The following SGPL1 variants were observed in gnomAD, a reference collection of about 807,000 sequenced individuals.
SGPL1 encodes sphingosine-1-phosphate lyase 1, also known as SP-lyase 1.
Under a neutral mutation model 68.9 loss-of-function variants are expected in SGPL1, and 37 were observed. That is an observed-to-expected ratio of 0.54 (90% confidence interval 0.41 to 0.71). The LOEUF (loss-of-function observed/expected upper bound fraction) is 0.71. Ranked by LOEUF, SGPL1 falls within the 30% of genes least tolerant of loss-of-function variation. The pLI, the probability that SGPL1 is intolerant of heterozygous loss-of-function variation, is 0.00. For missense variants in SGPL1, 551 were observed against 704.6 expected (o/e 0.78, Z 2.47); for synonymous variants, 236 against 248.5 (o/e 0.95, Z 0.47).
chr10:70,818,570 C>T (rs1845281427), intron 2 of SGPL1, among the ~76,000 whole-genome samples: 1 of 152,174 alleles, frequency 6.6e-6, no homozygotes, highest in Non-Finnish European at 1.5e-5. Context: ...GTGAGATTTC[C>T]TTATACTGGG....
chr10:70,875,641 T>TA, intron 13 of SGPL1, 93 bp downstream of exon 13: 1 of 962,538 alleles, frequency 1.0e-6, no homozygotes, highest in Non-Finnish European at 1.6e-6. Flanking sequence ...GTTTGACTGC[T>TA]AGAGGCTAGC....
chr10:70,818,640 C>T (rs1283036686), intron 2 of SGPL1, among the ~76,000 whole-genome samples: 1 of 152,106 alleles, frequency 6.6e-6, no homozygotes, highest in African/African-American at 2.4e-5. Flanking sequence ...AAGAGAGAAA[C>T]TAAGTTTTGA....
chr10:70,827,608 T>C (rs1324223484), intron 2 of SGPL1, among the ~76,000 whole-genome samples: 1 of 152,224 alleles, frequency 6.6e-6, no homozygotes, highest in Non-Finnish European at 1.5e-5. Flanking sequence ...TCAGGCTTTA[T>C]GTATCAGCGA....
intron 3 of SGPL1, among the ~76,000 whole-genome samples, chr10:70,846,764 A>G (rs533857360): frequency 2.7e-4 from 41 of 152,352 alleles, no homozygotes; most frequent in African/African-American, 9.4e-4. Flanking sequence ...TTTTTAAAAC[A>G]AATTTTAAAA....
At chr10:70,843,384 G>A (rs1020945186) in intron 2 of SGPL1, among the ~76,000 whole-genome samples, 1 of 152,184 alleles carries the variant, frequency 6.6e-6, no homozygotes, top group Non-Finnish European at 1.5e-5. Context: ...CCCTGGAGAT[G>A]CTTAATCAAT....
chr10:70,835,573 A>G (rs1001311626), intron 2 of SGPL1, among the ~76,000 whole-genome samples: 1 of 151,984 alleles, frequency 6.6e-6, no homozygotes, highest in Non-Finnish European at 1.5e-5. Context: ...TGTCTCTACT[A>G]AAAATACAAA....
intron 7 of SGPL1, among the ~76,000 whole-genome samples, chr10:70,862,058 A>G (rs950577438): frequency 5.9e-5 from 9 of 152,230 alleles, no homozygotes; most frequent in Admixed American, 2.0e-4. Context: ...AGGCAGCTCC[A>G]GTCCTGCAGG....
At chr10:70,827,210 A>G (rs1845452212) in intron 2 of SGPL1, among the ~76,000 whole-genome samples, 1 of 152,220 alleles carries the variant, frequency 6.6e-6, no homozygotes, top group Admixed American at 6.5e-5. Context: ...ATTTTTTGAC[A>G]ATCTGGTAAG....
chr10:70,850,347 C>G (rs1400279234), intron 3 of SGPL1, among the ~76,000 whole-genome samples: 1 of 152,036 alleles, frequency 6.6e-6, no homozygotes, highest in African/African-American at 2.4e-5. Context: ...TTTGTAGGTC[C>G]AGAAAATGTT....
intron 2 of SGPL1, among the ~76,000 whole-genome samples, chr10:70,817,558 C>T (rs1248851988): frequency 6.6e-6 from 1 of 152,162 alleles, no homozygotes; most frequent in Non-Finnish European, 1.5e-5. Flanking sequence ...TTGCTTCAGC[C>T]TCTGGAGTAG....
Position 70,874,390 on chromosome 10 carries a change from G to A in SGPL1, c.1298+801G>A, listed in dbSNP as rs1039398668. Reference sequence around the variant, plus strand: ...TCAGCTCAGGAATTAAAGACCAACCGGAGCAACATAGTGAGACATTATCTC... The same window carrying A: ...TCAGCTCAGGAATTAAAGACCAACCAGAGCAACATAGTGAGACATTATCTC... On this transcript the variant is annotated intron_variant, in intron 12 of 14. Transcript: ENST00000373202. Among the ~76,000 whole-genome samples, 14 of 152,134 alleles carry A rather than the reference G, an allele frequency of 9.2e-5. No homozygotes were observed. In the East Asian group the frequency reaches 9.7e-4, roughly 10 times the overall value.
intron 2 of SGPL1, among the ~76,000 whole-genome samples, chr10:70,817,806 G>T (rs1845263188): frequency 6.6e-6 from 1 of 152,194 alleles, no homozygotes; most frequent in South Asian, 2.1e-4. Context: ...CTAGCATGGT[G>T]CTCTGAATAT....
chr10:70,877,426 T>C lies in SGPL1; in HGVS notation c.*91T>C. On this transcript the variant is annotated 3_prime_UTR_variant, in exon 15 of 15. Transcript: ENST00000373202. ...CCGTGCACAACTTTGACATCTGGTC[T>C]TGCTCCATAGAGCACAACTCAAGAT... 1 of 1,319,200 alleles carries C rather than the reference T, an allele frequency of 7.6e-7. No homozygotes were observed. Among genetic ancestry groups the C allele is most frequent in the Non-Finnish European group, 1.1e-6 (1 of 922,722 alleles). 81.7% of individuals were successfully genotyped at this position (1,319,200 alleles called of 1,614,324 possible). A position where few individuals can be genotyped will look rare whatever the true frequency, so the allele number is the denominator to read the frequency against.
Position 70,879,506 on chromosome 10 carries a change from G to T in SGPL1, c.*2171G>T, listed in dbSNP as rs1476549446. 5 of 152,646 alleles carry T rather than the reference G, an allele frequency of 3.3e-5. No homozygotes were observed. The highest frequency in any genetic ancestry group is 4.4e-5 in the Non-Finnish European group (3 of 68,484). The allele number at this position is 152,646 out of a possible 1,614,324, so 9.5% of individuals were successfully genotyped here. ...CCTGGCAGGCACCTCTTTGAGAGTA[G>T]CTGTGGTCAGAGCTGTTTGGTCAGT... On this transcript the variant is annotated 3_prime_UTR_variant, in exon 15 of 15. Transcript: ENST00000373202.
At chr10:70,870,824 G>C (rs1008640778) in intron 9 of SGPL1, among the ~76,000 whole-genome samples, 2 of 152,130 alleles carry the variant, frequency 1.3e-5, no homozygotes, top group African/African-American at 4.8e-5. Flanking sequence ...CAGCGATTCT[G>C]TTCTTATTTT....
intron 7 of SGPL1, among the ~76,000 whole-genome samples, chr10:70,861,939 T>C (rs1048996981): frequency 9.9e-5 from 15 of 152,208 alleles, no homozygotes; most frequent in African/African-American, 3.6e-4. Flanking sequence ...CTCCGTGGGC[T>C]CCTGTGTGGC....
chr10:70,848,505 C>G (rs1389556680), intron 3 of SGPL1, among the ~76,000 whole-genome samples: 1 of 123,786 alleles, frequency 8.1e-6, no homozygotes, highest in African/African-American at 3.0e-5. Context: ...TGCTCTGTCA[C>G]CCAGGCTGGA....
intron 3 of SGPL1, among the ~76,000 whole-genome samples, chr10:70,847,913 G>C (rs1003209194): frequency 2.0e-5 from 3 of 152,200 alleles, no homozygotes; most frequent in African/African-American, 7.2e-5. Flanking sequence ...TCCCTCTTGA[G>C]GGAAGAGAGT....
At position 70,820,832 on chromosome 10, in the gene SGPL1, A is replaced by G. The variant is rs867658861; in HGVS notation, c.27+3952A>G. Among the ~76,000 whole-genome samples the G allele has an allele frequency of 3.9e-5, 6 of 152,334 alleles. 1 individual carries two copies. The highest frequency in any genetic ancestry group is 8.8e-5 in the Non-Finnish European group (6 of 68,024). On this transcript the variant is annotated intron_variant, in intron 2 of 14. Transcript: ENST00000373202. ...CGTCGCATTTAATGAATTATATTGA[A>G]ATTTTAAAACTTGTATCTGCAGGCA...
Sources: gnomAD v4.1 joint callset for allele counts (sites outside exome capture counted in the v4.1 genomes callset) on GRCh38, gnomAD v4.1.1 for gene constraint, MANE v1.5 for transcripts, NCBI Gene and HGNC (gene_info 2026-07-23, HGNC 2026-07-21) for gene names.